SGCD: variants seen among roughly 807,000 people sequenced by gnomAD.
The protein encoded by SGCD is delta-sarcoglycan.
In SGCD, 18 loss-of-function variants were observed where a neutral mutation model predicts 36.6. The observed-to-expected ratio is 0.49, with a 90% CI of 0.34 to 0.73. SGCD has a LOEUF of 0.73. Ranked by LOEUF, SGCD falls within the 30% of genes least tolerant of loss-of-function variation. SGCD has a pLI of 0.01. For synonymous variants in SGCD, 133 were observed against 130.6 expected (o/e 1.02, Z -0.12); for missense variants, 387 against 346.7 (o/e 1.12, Z -0.92).
intron 7 of SGCD, among the ~76,000 whole-genome samples, chr5:156,728,288 C>T (rs1381557792): frequency 6.6e-6 from 1 of 151,902 alleles, no homozygotes; most frequent in African/African-American, 2.4e-5. Flanking sequence ...CTCCCATGTT[C>T]AGAAAAAAGT....
rs572046546 is a variant in SGCD at position 156,179,657 on chromosome 5, T to A, written c.-44+55638T>A. Among the ~76,000 whole-genome samples the A allele has an allele frequency of 1.7e-4, 25 of 150,376 alleles. No individual in the cohort carries two copies. The South Asian group carries it at 4.7e-3, about 28-fold the overall frequency. Reference sequence around the variant, plus strand: ...TTTTTTTTGAGACCGATTCTCACTCTATTGCCCAGGCTGGAGTGCACTGGC... The same window carrying A: ...TTTTTTTTGAGACCGATTCTCACTCAATTGCCCAGGCTGGAGTGCACTGGC... On this transcript the variant is annotated intron_variant, in intron 3 of 9. Transcript: ENST00000517913.
At chr5:156,671,726 G>T (rs573610756) in intron 7 of SGCD, among the ~76,000 whole-genome samples, 1 of 152,282 alleles carries the variant, frequency 6.6e-6, no homozygotes, top group South Asian at 2.1e-4. Flanking sequence ...TGTCATAAAG[G>T]AATACCTGAG....
chr5:156,719,248 G>A (rs2113774757), intron 7 of SGCD, among the ~76,000 whole-genome samples: 1 of 152,178 alleles, frequency 6.6e-6, no homozygotes. Flanking sequence ...TACAACTGTT[G>A]TTCTTCCAGG....
intron 3 of SGCD, among the ~76,000 whole-genome samples, chr5:156,244,216 A>T (rs79118295): frequency 0.015 from 2,325 of 152,324 alleles, 26 homozygotes; most frequent in Non-Finnish European, 0.026. Flanking sequence ...GGACACACCA[A>T]AACTGAAAAT....
chr5:156,737,523 ATAAGACAC>A (rs1200565948), intron 7 of SGCD, among the ~76,000 whole-genome samples: 1 of 152,222 alleles, frequency 6.6e-6, no homozygotes, highest in African/African-American at 2.4e-5. Context: ...TTATTTACAT[ATAAGACAC>A]TAATATTGTT....
At chr5:156,082,935 A>ATT (rs538767785) in intron 1 of SGCD, among the ~76,000 whole-genome samples, 3,692 of 146,482 alleles carry the variant, frequency 0.025, 159 homozygotes, top group African/African-American at 0.088. Flanking sequence ...TGTTGTCGCT[A>ATT]ATTTTTTTTT....
At chr5:156,056,994 A>T (rs1215932863) in intron 1 of SGCD, among the ~76,000 whole-genome samples, 1 of 146,466 alleles carries the variant, frequency 6.8e-6, no homozygotes, top group East Asian at 1.9e-4. Context: ...GAAATACTCC[A>T]TGCAAGTGGT....
chr5:155,757,955 G>T, the SGCD span, among the ~76,000 whole-genome samples: 1 of 152,048 alleles, frequency 6.6e-6, no homozygotes, highest in Non-Finnish European at 1.5e-5. Context: ...CTCTTTGCCT[G>T]CCACCATCCG....
chr5:156,599,389 ATGG>A (rs1418617928), intron 6 of SGCD, among the ~76,000 whole-genome samples: 1 of 152,042 alleles, frequency 6.6e-6, no homozygotes, highest in East Asian at 1.9e-4. Context: ...AGAAAAAAAA[ATGG>A]AAGGAAGAAT....
chr5:156,609,009 C>G (rs1176652916), intron 6 of SGCD, among the ~76,000 whole-genome samples: 1 of 152,080 alleles, frequency 6.6e-6, no homozygotes, highest in African/African-American at 2.4e-5. Flanking sequence ...ATTTGCCAGT[C>G]TGTGTCTTTT....
intron 1 of SGCD, among the ~76,000 whole-genome samples, chr5:155,946,731 T>C (rs1436690069): frequency 1.3e-5 from 2 of 152,206 alleles, no homozygotes; most frequent in South Asian, 2.1e-4. Context: ...AAACTAGTTA[T>C]AGCATATCTC....
intron 6 of SGCD, among the ~76,000 whole-genome samples, chr5:156,617,158 A>G (rs1235427352): frequency 6.6e-6 from 1 of 152,214 alleles, no homozygotes; most frequent in African/African-American, 2.4e-5. Context: ...CTGGCACATA[A>G]TAACTGCTCA....
At chr5:155,897,671 AT>A (rs901828830) in intron 1 of SGCD, among the ~76,000 whole-genome samples, 19 of 150,142 alleles carry the variant, frequency 1.3e-4, no homozygotes, top group African/African-American at 2.9e-4. Flanking sequence ...AAAATTTTTA[AT>A]TTTTTTTTTA....
At chr5:155,747,566 A>G in the SGCD span, among the ~76,000 whole-genome samples, 50 of 152,320 alleles carry the variant, frequency 3.3e-4, no homozygotes, top group African/African-American at 1.2e-3. Context: ...TCCACTTTAA[A>G]GATGAGATGG....
chr5:155,805,720 C>T, the SGCD span, among the ~76,000 whole-genome samples: 4 of 152,148 alleles, frequency 2.6e-5, no homozygotes, highest in African/African-American at 9.7e-5. Context: ...ACATATGGGA[C>T]GATGGTGCCA....
the SGCD span, among the ~76,000 whole-genome samples, chr5:155,744,527 A>G: frequency 1.3e-5 from 2 of 152,200 alleles, no homozygotes; most frequent in Non-Finnish European, 2.9e-5. Context: ...TTAAAATATG[A>G]CCATACAATA....
chr5:156,072,122 C>T (rs1760591310), intron 1 of SGCD, among the ~76,000 whole-genome samples: 1 of 151,930 alleles, frequency 6.6e-6, no homozygotes, highest in Admixed American at 6.6e-5. Flanking sequence ...AGCATTTAGT[C>T]CATTTACATT....
At chr5:156,612,109 T>A (rs1415630131) in intron 6 of SGCD, among the ~76,000 whole-genome samples, 1 of 152,230 alleles carries the variant, frequency 6.6e-6, no homozygotes, top group African/African-American at 2.4e-5. Flanking sequence ...AAAGAATTAT[T>A]GTGTTCTTTT....
At position 156,672,849 on chromosome 5, in the gene SGCD, T is replaced by C. The variant is rs138885613; in HGVS notation, c.575+25313T>C. On this transcript the variant is annotated intron_variant, in intron 7 of 8. Coordinates refer to ENST00000337851, the MANE Select transcript of SGCD (RefSeq NM_000337.6). The stretch of plus-strand genomic sequence containing the variant: ...TTCTCTTGTTTGCTGTAGAGTGCCT[T>C]AGAGCCTTTATGTTGCCGTTCTCTT... Among the ~76,000 whole-genome samples, 447 of 152,308 alleles carry C rather than the reference T, an allele frequency of 2.9e-3. 3 individuals are homozygous for C. The highest frequency in any genetic ancestry group is 4.4e-3 in the Non-Finnish European group (300 of 68,020).
Sources: allele counts gnomAD v4.1 joint callset (sites outside exome capture counted in the v4.1 genomes callset), GRCh38; gene constraint gnomAD v4.1.1; transcripts MANE v1.5; gene names NCBI Gene and HGNC (gene_info 2026-07-23, HGNC 2026-07-21).